Variants in TAFA1 observed in about 807,000 individuals in gnomAD.
TAFA1 encodes the protein TAFA chemokine like family member 1.
TAFA1 carries 4 observed loss-of-function variants against 18.5 expected under a neutral mutation model. The ratio of observed to expected loss-of-function variants is 0.22; its 90% CI spans 0.11 to 0.49. TAFA1 has a LOEUF of 0.49. Among genes scored for constraint, TAFA1 ranks in the 20% least tolerant of loss-of-function variants. The probability of loss-of-function intolerance (pLI) is 0.98; values close to 1 mark genes in which losing one functional copy is unlikely to be tolerated. For synonymous variants in TAFA1, 56 were observed against 55.2 expected, an observed-to-expected ratio of 1.01 and a Z score of -0.06; for missense variants, 147 against 169.0, an observed-to-expected ratio of 0.87 and a Z score of 0.72.
intron 2 of TAFA1, among the ~76,000 whole-genome samples, chr3:68,089,309 A>G (rs148964721): frequency 7.2e-4 from 110 of 152,330 alleles, no homozygotes; most frequent in African/African-American, 2.4e-3. Flanking sequence ...TAAATGATAT[A>G]TTATGAATTT....
chr3:68,188,841 G>T (rs534419917), intron 2 of TAFA1, among the ~76,000 whole-genome samples: 19 of 151,858 alleles, frequency 1.3e-4, no homozygotes, highest in East Asian at 7.8e-4. Context: ...GAATAGTGGG[G>T]GTTTTTTGTT....
Position 68,021,382 on chromosome 3 carries a change from G to A in TAFA1, c.118+14638G>A, listed in dbSNP as rs1180656901. Among the ~76,000 whole-genome samples the A allele has an allele frequency of 3.9e-5, 6 of 152,188 alleles. No homozygotes were observed. In the South Asian group the frequency reaches 1.0e-3, roughly 26 times the overall value. ...ATTGTGCTATAGTTCTATTAAAAGA[G>A]CTACTAGTCAGCTGAAATCTTACAG... On this transcript the variant is annotated intron_variant, in intron 2 of 4. Transcript: ENST00000478136.
At chr3:68,003,872 T>C (rs1158697977), upstream of TAFA1, among the ~76,000 whole-genome samples, 7 of 152,218 alleles carry the variant, frequency 4.6e-5, no homozygotes, top group Non-Finnish European at 8.8e-5. Context: ...ATTTAACTGC[T>C]GAAACAACCA....
intron 2 of TAFA1, among the ~76,000 whole-genome samples, chr3:68,349,934 A>G (rs1245907177): frequency 6.6e-6 from 1 of 152,098 alleles, no homozygotes; most frequent in African/African-American, 2.4e-5. Context: ...GAAGAACTTT[A>G]TGGTTTGCCA....
chr3:68,321,486 C>T (rs143625426), intron 2 of TAFA1, among the ~76,000 whole-genome samples: 1,991 of 152,218 alleles, frequency 0.013, 31 homozygotes, highest in African/African-American at 0.035. Flanking sequence ...TATGTAAGAA[C>T]CAAGTACTCA....
chr3:68,495,240 A>G (rs2072524130), intron 3 of TAFA1, among the ~76,000 whole-genome samples: 2 of 152,238 alleles, frequency 1.3e-5, no homozygotes, highest in Admixed American at 1.3e-4. Context: ...TGCCTGTAGC[A>G]CTTACTATTG....
At chr3:68,496,062 T>C (rs910198072) in intron 3 of TAFA1, among the ~76,000 whole-genome samples, 2 of 147,424 alleles carry the variant, frequency 1.4e-5, no homozygotes, top group Non-Finnish European at 1.5e-5. Context: ...CAAATATCAC[T>C]GTGTCTGTGG....
At chr3:68,417,445 A>G (rs998956896) in intron 3 of TAFA1, 25 bp downstream of exon 3, 1 of 1,611,694 alleles carries the variant, frequency 6.2e-7, no homozygotes, top group Non-Finnish European at 8.5e-7. Flanking sequence ...TTACCTCTTG[A>G]AAAGCTCACA....
At chr3:68,514,666 A>C (rs2072895842) in intron 3 of TAFA1, among the ~76,000 whole-genome samples, 1 of 152,070 alleles carries the variant, frequency 6.6e-6, no homozygotes, top group Admixed American at 6.6e-5. Context: ...GTAGTAATAA[A>C]AATGCTACCA....
intron 3 of TAFA1, among the ~76,000 whole-genome samples, chr3:68,479,719 C>T (rs1487583327): frequency 6.6e-6 from 1 of 152,162 alleles, no homozygotes; most frequent in African/African-American, 2.4e-5. Flanking sequence ...ACTCTTTTCT[C>T]TGCAGGAGGC....
chr3:68,482,632 T>G (rs2072259612), intron 3 of TAFA1, among the ~76,000 whole-genome samples: 1 of 152,230 alleles, frequency 6.6e-6, no homozygotes, highest in Non-Finnish European at 1.5e-5. Context: ...AAAGTCCTGA[T>G]TTTCCTCAAG....
At chr3:68,449,416 G>T (rs373015253) in intron 3 of TAFA1, among the ~76,000 whole-genome samples, 1 of 152,036 alleles carries the variant, frequency 6.6e-6, no homozygotes, top group Non-Finnish European at 1.5e-5. Context: ...GAATGTAGGC[G>T]GTATTTTACA....
intron 2 of TAFA1, among the ~76,000 whole-genome samples, chr3:68,197,489 C>T (rs2066425061): frequency 1.3e-5 from 2 of 151,526 alleles, no homozygotes; most frequent in Admixed American, 1.3e-4. Context: ...TTCCACCAGG[C>T]AACATTCAGA....
Position 68,130,127 on chromosome 3 carries a change from T to C in TAFA1, c.118+123383T>C, listed in dbSNP as rs551749846. 2.7e-4 allele frequency among the ~76,000 whole-genome samples: 41 copies of C among 152,288 alleles called. 1 individual carries two copies. The highest frequency in any genetic ancestry group is 8.7e-4 in the African/African-American group (36 of 41,566). ...CCCTGCCAGGAAAACCGGGCAGGCA[T>C]TGCCCTGGAATGAAGAGCCCAAAGG... On this transcript the variant is annotated intron_variant, in intron 2 of 4. Coordinates refer to ENST00000478136, the MANE Select transcript of TAFA1 (RefSeq NM_213609.4).
intron 2 of TAFA1, among the ~76,000 whole-genome samples, chr3:68,185,572 A>G (rs1256755803): frequency 6.6e-6 from 1 of 152,108 alleles, no homozygotes; most frequent in South Asian, 2.1e-4. Flanking sequence ...ATCGCTATGT[A>G]AATGCAACCA....
chr3:68,059,171 A>G (rs1330123864), intron 2 of TAFA1, among the ~76,000 whole-genome samples: 5 of 152,146 alleles, frequency 3.3e-5, no homozygotes, highest in Non-Finnish European at 7.3e-5. Context: ...ACTATGACTT[A>G]TATGTCATTT....
At chr3:68,082,125 G>T (rs1300193703) in intron 2 of TAFA1, among the ~76,000 whole-genome samples, 7 of 152,204 alleles carry the variant, frequency 4.6e-5, no homozygotes, top group Non-Finnish European at 8.8e-5. Context: ...GGAACTCCCT[G>T]ACCCCTTGCG....
chr3:68,488,513 A>G (rs1331221637), intron 3 of TAFA1, among the ~76,000 whole-genome samples: 1 of 152,190 alleles, frequency 6.6e-6, no homozygotes, highest in Non-Finnish European at 1.5e-5. Context: ...ACAGTGTACA[A>G]AAAGCACTGA....
chr3:68,406,588 G>T (rs1345472204), intron 2 of TAFA1, among the ~76,000 whole-genome samples: 3 of 152,106 alleles, frequency 2.0e-5, no homozygotes, highest in Non-Finnish European at 4.4e-5. Flanking sequence ...CCCTTCAGTT[G>T]TTTCATTTCT....
Sources: allele counts gnomAD v4.1 joint callset (sites outside exome capture counted in the v4.1 genomes callset), GRCh38; gene constraint gnomAD v4.1.1; transcripts MANE v1.5; gene names NCBI Gene and HGNC (gene_info 2026-07-23, HGNC 2026-07-21).